Variants in CA10 observed in about 807,000 individuals in gnomAD.
The protein encoded by CA10 is carbonic anhydrase-related protein 10.
In CA10, 14 loss-of-function variants were observed where a neutral mutation model predicts 44.2. The ratio of observed to expected loss-of-function variants is 0.32; its 90% confidence interval spans 0.21 to 0.50. The LOEUF is 0.50. Ranked by LOEUF, CA10 falls within the 20% of genes least tolerant of loss-of-function variation. CA10 has a pLI of 0.99. For missense variants in CA10, 350 were observed against 409.7 expected, an observed-to-expected ratio of 0.85 and a Z score of 1.26; for synonymous variants, 159 against 141.6, an observed-to-expected ratio of 1.12 and a Z score of -0.87.
chr17:51,942,047 T>C (rs1288800062), intron 2 of CA10, among the ~76,000 whole-genome samples: 2 of 152,198 alleles, frequency 1.3e-5, no homozygotes, highest in Non-Finnish European at 2.9e-5. Context: ...TATTAATAAC[T>C]GTATATGGAG....
intron 2 of CA10, among the ~76,000 whole-genome samples, chr17:51,986,964 A>T (rs1374488801): frequency 6.6e-6 from 1 of 152,106 alleles, no homozygotes; most frequent in African/African-American, 2.4e-5. Flanking sequence ...TTAAAGAACT[A>T]AAAATAGAAC....
At chr17:52,037,202 G>A (rs1486352101) in intron 2 of CA10, among the ~76,000 whole-genome samples, 2 of 152,176 alleles carry the variant, frequency 1.3e-5, no homozygotes, top group African/African-American at 4.8e-5. Context: ...TGGGTTGGCA[G>A]TTGAATAGAT....
chr17:51,983,095 T>G (rs1984708217), intron 2 of CA10, among the ~76,000 whole-genome samples: 1 of 151,944 alleles, frequency 6.6e-6, no homozygotes, highest in Non-Finnish European at 1.5e-5. Flanking sequence ...TAGGAAATTT[T>G]TTTTTATATT....
chr17:51,730,339 T>A (rs1005099734), intron 4 of CA10, among the ~76,000 whole-genome samples: 2 of 152,352 alleles, frequency 1.3e-5, no homozygotes, highest in Admixed American at 1.3e-4. Context: ...TCTGTTTCTT[T>A]GATGAGGAAG....
At chr17:52,102,648 C>T (rs1988566897) in intron 1 of CA10, among the ~76,000 whole-genome samples, 1 of 152,210 alleles carries the variant, frequency 6.6e-6, no homozygotes, top group Non-Finnish European at 1.5e-5. Context: ...TGCCTTGCTT[C>T]TGTGTTCACT....
intron 2 of CA10, among the ~76,000 whole-genome samples, chr17:51,950,464 G>T (rs1983439426): frequency 6.6e-6 from 1 of 152,142 alleles, no homozygotes; most frequent in South Asian, 2.1e-4. Context: ...GAAGAGAGAT[G>T]CCTGGACGTT....
chr17:51,659,812 C>T (rs1913933740), intron 4 of CA10, among the ~76,000 whole-genome samples: 1 of 152,194 alleles, frequency 6.6e-6, no homozygotes, highest in South Asian at 2.1e-4. Context: ...GGATTGTGCC[C>T]AGTTCCTGTG....
rs149217989 is a variant in CA10, at chr17:51,914,365, T to C, written c.279+16625A>G. On this transcript the variant is annotated intron_variant, in intron 3 of 8. Coordinates refer to ENST00000451037, the MANE Select transcript of CA10 (RefSeq NM_020178.5). The stretch of plus-strand genomic sequence containing the variant: ...CTGACTCTATGGCTGCCAGAACTGC[T>C]TCAGTGATGACAACTATCTTGGGCA... Among the ~76,000 whole-genome samples the C allele has an allele frequency of 3.2e-4, 49 of 152,290 alleles. No homozygotes were observed. In the East Asian group the frequency reaches 8.3e-3, roughly 26 times the overall value.
intron 2 of CA10, among the ~76,000 whole-genome samples, chr17:52,042,030 C>A (rs574097087): frequency 1.3e-5 from 2 of 152,182 alleles, no homozygotes; most frequent in South Asian, 4.2e-4. Flanking sequence ...CATCTCTTGG[C>A]TATAATGGAT....
intron 1 of CA10, among the ~76,000 whole-genome samples, chr17:52,077,494 C>T (rs1365513224): frequency 2.6e-5 from 4 of 152,138 alleles, no homozygotes; most frequent in Admixed American, 6.5e-5. Flanking sequence ...AGGGGTGTAG[C>T]TGTGTGCCAG....
At chr17:51,713,307 C>T (rs1916001166) in intron 4 of CA10, among the ~76,000 whole-genome samples, 1 of 152,104 alleles carries the variant, frequency 6.6e-6, no homozygotes, top group Admixed American at 6.5e-5. Flanking sequence ...TATAATTGGC[C>T]ATTTCTTGGC....
chr17:51,960,889 G>T (rs1801545472), intron 2 of CA10, among the ~76,000 whole-genome samples: 1 of 152,168 alleles, frequency 6.6e-6, no homozygotes, highest in African/African-American at 2.4e-5. Context: ...GGTAGTCCTT[G>T]TTATTTAATC....
chr17:51,996,395 C>T (rs1598158145), intron 2 of CA10, among the ~76,000 whole-genome samples: 3 of 151,990 alleles, frequency 2.0e-5, no homozygotes, highest in Non-Finnish European at 4.4e-5. Flanking sequence ...TTACAATCAC[C>T]TCTTTGCCAC....
At chr17:52,141,664 T>G (rs1380848820) in intron 1 of CA10, among the ~76,000 whole-genome samples, 1 of 152,202 alleles carries the variant, frequency 6.6e-6, no homozygotes, top group African/African-American at 2.4e-5. Context: ...GTTTTCTAAG[T>G]TGTAAACAAA....
chr17:52,126,146 A>G (rs1189916370), intron 1 of CA10, among the ~76,000 whole-genome samples: 2 of 152,220 alleles, frequency 1.3e-5, no homozygotes, highest in Non-Finnish European at 2.9e-5. Flanking sequence ...TTGCTATGAT[A>G]TTGCTCATCC....
chr17:51,702,667 T>C (rs146258769), intron 4 of CA10, among the ~76,000 whole-genome samples: 1 of 152,130 alleles, frequency 6.6e-6, no homozygotes, highest in Non-Finnish European at 1.5e-5. Flanking sequence ...CTATCAAAGG[T>C]TTCTGCCATG....
intron 4 of CA10, among the ~76,000 whole-genome samples, chr17:51,679,385 T>G (rs369038742): frequency 1.4e-5 from 2 of 147,112 alleles, no homozygotes; most frequent in South Asian, 2.2e-4. Context: ...TCAGCCTCCC[T>G]AGTAGCTGGG....
chr17:51,659,243 C>T (rs1320010355), intron 4 of CA10, among the ~76,000 whole-genome samples: 1 of 152,052 alleles, frequency 6.6e-6, no homozygotes, highest in Non-Finnish European at 1.5e-5. Context: ...CTGGGGCATC[C>T]CTCTTTCTTT....
intron 3 of CA10, among the ~76,000 whole-genome samples, chr17:51,913,513 G>A (rs541303388): frequency 5.9e-5 from 9 of 152,242 alleles, no homozygotes; most frequent in South Asian, 2.1e-4. Context: ...TGGGAAACTC[G>A]AAAGAAGACT....
Sources: gnomAD v4.1 joint callset for allele counts (sites outside exome capture counted in the v4.1 genomes callset) on GRCh38, gnomAD v4.1.1 for gene constraint, MANE v1.5 for transcripts, NCBI Gene and HGNC (gene_info 2026-07-23, HGNC 2026-07-21) for gene names.